Variants in NUP50 observed in about 807,000 individuals in gnomAD.
The protein encoded by NUP50 is nucleoporin 50.
Under a neutral mutation model 36.8 loss-of-function variants are expected in NUP50, and 14 were observed. The observed-to-expected ratio is 0.38, with a 90% CI of 0.25 to 0.59. The LOEUF is 0.59. Ranked by LOEUF, NUP50 falls within the 20% of genes least tolerant of loss-of-function variation. NUP50 has a pLI of 0.63. For missense variants in NUP50, 455 were observed against 564.6 expected (o/e 0.81, Z 1.97); for synonymous variants, 195 against 210.8 (o/e 0.93, Z 0.65).
rs1030740218 is a variant in NUP50 at position 45,187,492 on chromosome 22, A to T, written c.*2837A>T. The T allele has an allele frequency of 6.6e-6, 1 of 151,914 alleles. No individual in the cohort carries two copies. The highest frequency in any genetic ancestry group is 2.4e-5 in the African/African-American group (1 of 41,388). The allele number at this position is 151,914 out of a possible 1,614,324, so 9.4% of individuals were successfully genotyped here. On this transcript the variant is annotated 3_prime_UTR_variant, in exon 8 of 8. Coordinates refer to ENST00000347635, the MANE Select transcript of NUP50 (RefSeq NM_007172.4). ...AAAACTAATATTCTACCTTACTAGT[A>T]GAGTTCAAAACAAGTTTTCACTGAG... is the stretch of plus-strand genomic sequence containing the variant.
intron 1 of NUP50, chr22:45,164,642 G>T (rs2074065153): frequency 6.5e-6 from 1 of 153,172 alleles, no homozygotes; most frequent in South Asian, 1.8e-4. Flanking sequence ...GACGGGTGGA[G>T]GGTGGGGTGG....
At chr22:45,182,923 G>A (rs1474537146) in intron 6 of NUP50, among the ~76,000 whole-genome samples, 4 of 151,730 alleles carry the variant, frequency 2.6e-5, no homozygotes, top group Admixed American at 2.6e-4. Context: ...GCACCTGGTC[G>A]AGGAGAATTT....
intron 3 of NUP50, 37 bp downstream of exon 3, chr22:45,171,720 C>CA: frequency 3.2e-6 from 5 of 1,542,270 alleles, no homozygotes; most frequent in Non-Finnish European, 3.6e-6. Context: ...ATTAAATACT[C>CA]ATTTGATTTC....
chr22:45,171,173 C>G (rs2074187316), intron 2 of NUP50: 1 of 1,166,860 alleles, frequency 8.6e-7, no homozygotes, highest in African/African-American at 1.6e-5. Context: ...TCTTAAAAAT[C>G]ATGTGTATGT....
intron 7 of NUP50, chr22:45,183,797 G>A (rs2074422260): frequency 3.0e-6 from 1 of 338,430 alleles, no homozygotes; most frequent in East Asian, 5.8e-5. Context: ...AACACCCAAG[G>A]GAAATTAACC....
intron 4 of NUP50, among the ~76,000 whole-genome samples, chr22:45,177,308 G>A (rs2074291516): frequency 6.6e-6 from 1 of 152,110 alleles, no homozygotes; most frequent in Non-Finnish European, 1.5e-5. Context: ...AGCCTCCCCA[G>A]TAGCTGGGAT....
Position 45,184,787 on chromosome 22 carries a change from A to G in NUP50, c.*132A>G. 1.5e-6 allele frequency: 1 copy of G among 678,996 alleles called. No individual in the cohort carries two copies. The highest frequency in any genetic ancestry group is 2.6e-6 in the Non-Finnish European group (1 of 389,654). The allele number at this position is 678,996 out of a possible 1,614,324, so 42.1% of individuals were successfully genotyped here. On this transcript the variant is annotated 3_prime_UTR_variant, in exon 8 of 8. Transcript: ENST00000347635. ...ATAACTTAAAACTTTTGTGAGGAAG[A>G]TTAATGTGGCCAATAAAACCTTTAA...
chr22:45,168,820 C>T (rs1279776012), intron 2 of NUP50, among the ~76,000 whole-genome samples: 1 of 151,926 alleles, frequency 6.6e-6, no homozygotes, highest in African/African-American at 2.4e-5. Flanking sequence ...ATGGTCTCCC[C>T]TGAGGAAATC....
intron 1 of NUP50, chr22:45,164,789 GTCT>G (rs368695630): frequency 1.3e-5 from 2 of 152,728 alleles, no homozygotes; most frequent in South Asian, 2.1e-4. Flanking sequence ...TCCTGGCGTG[GTCT>G]TCTCCGTTTC....
chr22:45,181,472 G>T, intron 6 of NUP50, 105 bp downstream of exon 6: 1 of 610,994 alleles, frequency 1.6e-6, no homozygotes, highest in Non-Finnish European at 2.7e-6. Context: ...CCAGTCTCGG[G>T]GTCAAGCTTT....
intron 2 of NUP50, among the ~76,000 whole-genome samples, chr22:45,168,993 C>A (rs2074141444): frequency 6.6e-6 from 1 of 150,922 alleles, no homozygotes; most frequent in South Asian, 2.1e-4. Context: ...CTTTTATCTC[C>A]CGGGTTCAAG....
intron 1 of NUP50, among the ~76,000 whole-genome samples, chr22:45,165,386 C>T (rs1400275941): frequency 2.0e-5 from 3 of 152,236 alleles, no homozygotes; most frequent in African/African-American, 7.2e-5. Context: ...CAGGCGTGCG[C>T]CACTACGCTC....
rs531645374 is a variant in NUP50, at chr22:45,182,718, A to G, written c.1086-684A>G. Among the ~76,000 whole-genome samples, 5 of 130,328 alleles carry G rather than the reference A, an allele frequency of 3.8e-5. No individual in the cohort carries two copies. The South Asian group carries it at 7.8e-4, about 20-fold the overall frequency. The allele number at this position is 130,328 out of a possible 152,430, so 85.5% of individuals were successfully genotyped here. A position where few individuals can be genotyped will look rare whatever the true frequency, so the allele number is the denominator to read the frequency against. On this transcript the variant is annotated intron_variant, in intron 6 of 7. Coordinates refer to ENST00000347635, the MANE Select transcript of NUP50 (RefSeq NM_007172.4). ...CGGCTCACTGCAAGCTCCGCCTCCC[A>G]GGTTCATGCCATTCTCCTGCCTCAG...
intron 4 of NUP50, 52 bp from the exon 5 acceptor site, chr22:45,178,183 AGAT>A: frequency 6.6e-7 from 1 of 1,510,874 alleles, no homozygotes; most frequent in Non-Finnish European, 9.0e-7. Context: ...AAAAAAATCT[AGAT>A]GATTTAATCA....
Position 45,168,396 on chromosome 22 carries a change from T to G in NUP50, c.69+150T>G, listed in dbSNP as rs138710362. 1.1e-3 allele frequency: 654 copies of G among 596,490 alleles called. 4 individuals are homozygous for G. Among genetic ancestry groups the G allele is most frequent in the African/African-American group, 0.011 (575 of 53,260 alleles). 36.9% of individuals were successfully genotyped at this position (596,490 alleles called of 1,614,324 possible). Reference sequence around the variant, plus strand: ...TGACAAGAAATTATATGACCTGTACTTAGTGTAGATATTTATTAATTACAT... The same window carrying G: ...TGACAAGAAATTATATGACCTGTACGTAGTGTAGATATTTATTAATTACAT... On this transcript the variant is annotated intron_variant, in intron 2 of 7. Transcript: ENST00000347635.
rs2074311422 is a variant in NUP50 at position 45,178,423 on chromosome 22, A to G, written c.526A>G (p.Asn176Asp). The G allele has an allele frequency of 2.5e-6, 4 of 1,613,786 alleles. No homozygotes were observed. Among genetic ancestry groups the G allele is most frequent in the Non-Finnish European group, 3.4e-6 (4 of 1,179,744 alleles). The change falls in exon 5 of 8, where the codon AAT becomes GAT. Residue 176 changes from asparagine to aspartate, a missense_variant. Physicochemically the swap from Asn to Asp is conservative, Grantham distance 23 (BLOSUM62 1). This residue lies in a region of NUP50 where 2 missense variants were observed against 16.3 expected (regional missense o/e 0.12). Transcript: ENST00000347635. ...GCGGGATTGGATAGTGAAGCACGTG[A>G]ATACAAACCCCCTCTGTGATCTGAC... Reference protein sequence around the residue: ...SVRDWIVKHVNTNPLCDLTPI... With the variant: ...SVRDWIVKHVDTNPLCDLTPI...
At chr22:45,168,359 A>G in intron 2 of NUP50, 113 bp downstream of exon 2, 1 of 713,440 alleles carries the variant, frequency 1.4e-6, no homozygotes. Context: ...TAAGAACATC[A>G]TGAATGGGAG....
chr22:45,184,235 C>G (rs1159503159), intron 7 of NUP50: 7 of 567,574 alleles, frequency 1.2e-5, no homozygotes, highest in Non-Finnish European at 2.2e-5. Context: ...GAGACCCGGG[C>G]TGGAGGGAGG....
chr22:45,166,617 G>C (rs1259821553), intron 1 of NUP50, among the ~76,000 whole-genome samples: 3 of 151,970 alleles, frequency 2.0e-5, no homozygotes. Context: ...AAACGTGACC[G>C]TTGGTGACTT....
Sources: allele counts gnomAD v4.1 joint callset (sites outside exome capture counted in the v4.1 genomes callset), GRCh38; gene constraint gnomAD v4.1.1; regional missense constraint gnomAD v4.1.1; transcripts MANE v1.5; gene names NCBI Gene and HGNC (gene_info 2026-07-23, HGNC 2026-07-21).